DTX1: variants seen among roughly 807,000 people sequenced by gnomAD.
DTX1 encodes E3 ubiquitin-protein ligase DTX1.
DTX1 carries 26 observed loss-of-function variants against 57.8 expected under a neutral mutation model. That is an observed-to-expected ratio of 0.45 (90% CI 0.33 to 0.62). DTX1 has a LOEUF of 0.62. Ranked by LOEUF, DTX1 falls within the 20% of genes least tolerant of loss-of-function variation. The probability of loss-of-function intolerance (pLI) is 0.02; values close to 1 mark genes in which losing one functional copy is unlikely to be tolerated. For synonymous variants in DTX1, 398 were observed against 394.1 expected (o/e 1.01, Z -0.12); for missense variants, 704 against 895.3 (o/e 0.79, Z 2.73).
intron 2 of DTX1, among the ~76,000 whole-genome samples, chr12:113,070,696 A>G (rs1334955800): frequency 2.6e-5 from 4 of 152,228 alleles, no homozygotes; most frequent in Non-Finnish European, 5.9e-5. Flanking sequence ...AACGGAAAGT[A>G]AAGCTGAAGT....
rs963498757 is a variant in DTX1 at position 113,057,618 on chromosome 12, A to C, written c.-575A>C. On this transcript the variant is annotated 5_prime_UTR_variant, in exon 2 of 10. Transcript: ENST00000548759. Reference sequence around the variant, plus strand: ...ACCCAGGCCTTCCAGGACACCGTGGAGAGGGAACAAGGGGGCAGGGACGCC... The same window carrying C: ...ACCCAGGCCTTCCAGGACACCGTGGCGAGGGAACAAGGGGGCAGGGACGCC... The C allele has an allele frequency of 3.9e-5, 6 of 153,562 alleles. No homozygotes were observed. Among genetic ancestry groups the C allele is most frequent in the African/African-American group, 1.4e-4 (6 of 41,400 alleles). The allele number at this position is 153,562 out of a possible 1,614,324, so 9.5% of individuals were successfully genotyped here.
chr12:113,074,087 A>T (rs2136057113), intron 2 of DTX1, among the ~76,000 whole-genome samples: 1 of 152,198 alleles, frequency 6.6e-6, no homozygotes, highest in African/African-American at 2.4e-5. Context: ...AAAAAAAATC[A>T]GCTGGGTGAC....
At chr12:113,063,584 G>C (rs895688555) in intron 2 of DTX1, among the ~76,000 whole-genome samples, 1 of 152,244 alleles carries the variant, frequency 6.6e-6, no homozygotes, top group Admixed American at 6.5e-5. Context: ...GGATAGCTGA[G>C]GCCGAGGGAT....
rs532529997 is a variant in DTX1 at position 113,067,004 on chromosome 12, C to T, written c.259+8553C>T. ...CTTCCATCATCCCTCTGGAGCTGCT[C>T]CAGGCTGCTACTGCTGCCTGCACAG... is the stretch of plus-strand genomic sequence containing the variant. On this transcript the variant is annotated intron_variant, in intron 2 of 9. Coordinates refer to ENST00000548759, the MANE Select transcript of DTX1 (RefSeq NM_004416.3). 3.5e-4 allele frequency among the ~76,000 whole-genome samples: 54 copies of T among 152,174 alleles called. 1 individual carries two copies. In the South Asian group the frequency reaches 0.011, roughly 30 times the overall value.
Position 113,093,834 on chromosome 12 carries a change from C to A in DTX1, c.1165+134C>A. 1 of 1,449,820 alleles carries A rather than the reference C, an allele frequency of 6.9e-7. No homozygotes were observed. Among genetic ancestry groups the A allele is most frequent in the Non-Finnish European group, 9.4e-7 (1 of 1,066,554 alleles). The allele number at this position is 1,449,820 out of a possible 1,614,324, so 89.8% of individuals were successfully genotyped here. ...CATTGCCTGATCTCAGCTCCCCTTG[C>A]CCTGGCCCCATCTTTCACCAGCTCC... On this transcript the variant is annotated intron_variant, in intron 5 of 9. Transcript: ENST00000548759. The surrounding 1 kb of genome is among the most constrained non-coding windows in gnomAD (Gnocchi z 4.2).
rs1469868697 is a variant in DTX1 at position 113,093,579 on chromosome 12, G to C, written c.1044G>C (p.Val348=). 1.2e-6 allele frequency: 2 copies of C among 1,611,056 alleles called. No homozygotes were observed. The highest frequency in any genetic ancestry group is 2.2e-5 in the South Asian group (2 of 90,888). The change falls in exon 5 of 10, where the codon GTG becomes GTC. Residue 348 remains valine, a synonymous_variant. Transcript: ENST00000548759. The surrounding 1 kb of genome is among the most constrained non-coding windows in gnomAD (Gnocchi z 4.2). ...TGCTGTGCGCGGCCGGGCTGCCCGT[G>C]TGCCTGACGCGGGCCCCCAAGCCCA... The part of the protein sequence containing the change: ...GILLCAAGLP[V]CLTRAPKPIL...
At chr12:113,082,059 C>G (rs1165656246) in intron 3 of DTX1, among the ~76,000 whole-genome samples, 2 of 152,110 alleles carry the variant, frequency 1.3e-5, no homozygotes, top group South Asian at 2.1e-4. Flanking sequence ...TGCCAGAGCT[C>G]TGTTGTCTCC....
intron 6 of DTX1, 149 bp downstream of exon 6, chr12:113,094,248 T>TA (rs1950269271): frequency 6.1e-6 from 4 of 659,930 alleles, no homozygotes; most frequent in East Asian, 5.8e-5. Context: ...TAGAAATACT[T>TA]ACGTTTAATA....
At chr12:113,096,126 A>T (rs1950288256) in intron 9 of DTX1, among the ~76,000 whole-genome samples, 1 of 151,422 alleles carries the variant, frequency 6.6e-6, no homozygotes, top group South Asian at 2.1e-4. Flanking sequence ...AATTGCTTGA[A>T]CTCAGGAAGC....
At chr12:113,079,978 C>A (rs965304445) in intron 3 of DTX1, among the ~76,000 whole-genome samples, 2 of 151,824 alleles carry the variant, frequency 1.3e-5, no homozygotes, top group Non-Finnish European at 2.9e-5. Flanking sequence ...ACGCTGTGTA[C>A]CTGAACACAG....
chr12:113,095,655 A>T (rs1442090427), intron 9 of DTX1: 1 of 531,980 alleles, frequency 1.9e-6, no homozygotes. Flanking sequence ...CAGAAAGGGC[A>T]AGTCACTTGA....
In DTX1 at chr12:113,096,921, G is replaced by C. The variant is rs770880667; in HGVS notation, c.1845G>C (p.Glu615Asp). Residue 615 changes from glutamate (E) to aspartate (D), a missense_variant, in exon 10 of 10, where the codon GAG becomes GAC. Around this residue, in one of 3 missense-constraint regions of DTX1, gnomAD observed 168 missense variants for 255.6 expected, o/e 0.66. Transcript: ENST00000548759. ...LAELTAQGVSEAAAKA is the reference protein window; with the variant it reads ...LAELTAQGVSDAAAKA ...AGCTCACAGCCCAGGGCGTATCCGA[G>C]GCTGCAGCCAAGGCTTGAGGCCCAA... 1.4e-5 allele frequency: 23 copies of C among 1,611,536 alleles called. No individual in the cohort carries two copies. Among genetic ancestry groups the C allele is most frequent in the South Asian group, 7.7e-5 (7 of 91,034 alleles).
At position 113,093,104 on chromosome 12, in the gene DTX1, C is replaced by G. The variant is rs1950259304; in HGVS notation, c.942-58C>G. 1 of 1,543,496 alleles carries G rather than the reference C, an allele frequency of 6.5e-7. No homozygotes were observed. Among genetic ancestry groups the G allele is most frequent in the Non-Finnish European group, 8.8e-7 (1 of 1,139,336 alleles). On this transcript the variant is annotated intron_variant, in intron 3 of 9. Coordinates refer to ENST00000548759, the MANE Select transcript of DTX1 (RefSeq NM_004416.3). The surrounding 1 kb of genome is among the most constrained non-coding windows in gnomAD (Gnocchi z 4.2). ...CCAGAGACAGAAGGCAAGCCAGGTC[C>G]CCTGACGTCGCTTCGGGGGCTGGAG...
At position 113,077,183 on chromosome 12, in the gene DTX1, C is replaced by G. The variant is rs1048928150; in HGVS notation, c.260-241C>G. ...TATGCGCTGAACCTTTAGCCCCGGC[C>G]CCCCTCACCCTGGCTGCCGCCTGTC... On this transcript the variant is annotated intron_variant, in intron 2 of 9. Transcript: ENST00000548759. This position sits in a 1 kb window ranked among gnomAD's most constrained non-coding sequence, Gnocchi z 7.8. 6.6e-6 allele frequency among the ~76,000 whole-genome samples: 1 copy of G among 152,194 alleles called. No individual in the cohort carries two copies. Among genetic ancestry groups the G allele is most frequent in the Admixed American group, 6.5e-5 (1 of 15,290 alleles).
At chr12:113,086,194 GGT>G (rs2044855768) in intron 3 of DTX1, among the ~76,000 whole-genome samples, 1 of 151,912 alleles carries the variant, frequency 6.6e-6, no homozygotes, top group African/African-American at 2.4e-5. Context: ...CTTGAGCCCA[GGT>G]TGCAGTGAGC....
intron 6 of DTX1, 27 bp downstream of exon 6, chr12:113,094,126 G>GGGGGGGGGGGGGGGGGGGGC: frequency 1.0e-6 from 1 of 964,908 alleles, no homozygotes; most frequent in Non-Finnish European, 1.6e-6. Flanking sequence ...GGGGCTGGGG[G>GGGGGGGGGGGGGGGGGGGGC]AGGGCCCTGG....
intron 3 of DTX1, among the ~76,000 whole-genome samples, chr12:113,082,108 C>T (rs1039152888): frequency 6.6e-6 from 1 of 152,194 alleles, no homozygotes; most frequent in African/African-American, 2.4e-5. Flanking sequence ...ATCATTTCTC[C>T]TGCCCCTCCC....
At chr12:113,068,234 C>T (rs1203691586) in intron 2 of DTX1, among the ~76,000 whole-genome samples, 1 of 152,192 alleles carries the variant, frequency 6.6e-6, no homozygotes, top group Non-Finnish European at 1.5e-5. Context: ...ACCTACCTCC[C>T]TGCACTCCTG....
chr12:113,095,770 A>G (rs113450180), intron 9 of DTX1: 1 of 283,226 alleles, frequency 3.5e-6, no homozygotes, highest in African/African-American at 2.1e-5. Context: ...TCTGCTTTTC[A>G]AGAGCACCAA....
Sources: allele counts gnomAD v4.1 joint callset (sites outside exome capture counted in the v4.1 genomes callset), GRCh38; gene constraint gnomAD v4.1.1; regional missense constraint gnomAD v4.1.1; non-coding constraint Gnocchi (gnomAD v3.1); transcripts MANE v1.5; gene names NCBI Gene and HGNC (gene_info 2026-07-23, HGNC 2026-07-21).